The following RAI14 variants were observed in gnomAD, a reference collection of about 807,000 sequenced individuals.
The protein encoded by RAI14 is retinoic acid induced 14.
Under a neutral mutation model 115.4 loss-of-function variants are expected in RAI14, and 45 were observed. The ratio of observed to expected loss-of-function variants is 0.39; its 90% CI spans 0.31 to 0.50. The LOEUF is 0.50. Ranked by LOEUF, RAI14 falls within the 20% of genes least tolerant of loss-of-function variation. The pLI, the probability that RAI14 is intolerant of heterozygous loss-of-function variation, is 0.85. For synonymous variants in RAI14, 371 were observed against 415.4 expected (o/e 0.89, Z 1.30); for missense variants, 939 against 1,131.2 (o/e 0.83, Z 2.44).
intron 2 of RAI14, among the ~76,000 whole-genome samples, chr5:34,725,657 C>T (rs1305690980): frequency 3.3e-5 from 5 of 151,784 alleles, no homozygotes; most frequent in Non-Finnish European, 7.4e-5. Flanking sequence ...CACCGATAAC[C>T]AAGTGCTGCA....
chr5:34,717,252 G>A (rs1742114330), intron 2 of RAI14, among the ~76,000 whole-genome samples: 1 of 152,160 alleles, frequency 6.6e-6, no homozygotes, highest in Admixed American at 6.5e-5. Context: ...GCATGCTAAA[G>A]TTAATGATAA....
chr5:34,805,237 G>A (rs1754721045), intron 5 of RAI14, among the ~76,000 whole-genome samples: 1 of 152,046 alleles, frequency 6.6e-6, no homozygotes, highest in Non-Finnish European at 1.5e-5. Flanking sequence ...TCTTCTTCCT[G>A]GATGGTGGTT....
At position 34,802,256 on chromosome 5, in the gene RAI14, T is replaced by C. The variant is rs144666296; in HGVS notation, c.257-1456T>C. Among the ~76,000 whole-genome samples, 151 of 152,204 alleles carry C rather than the reference T, an allele frequency of 9.9e-4. 1 individual carries two copies. Among genetic ancestry groups the C allele is most frequent in the African/African-American group, 3.2e-3 (131 of 41,524 alleles). On this transcript the variant is annotated intron_variant, in intron 4 of 17. Coordinates refer to ENST00000265109, the MANE Select transcript of RAI14 (RefSeq NM_015577.3). ...GCAATTATCCAGCTTATAAGGTCAATGATGCTAAGGTTGAGAAAGTGCATC... is the reference window on the plus strand; with the variant it reads ...GCAATTATCCAGCTTATAAGGTCAACGATGCTAAGGTTGAGAAAGTGCATC...
chr5:34,755,590 T>C (rs981348682), intron 2 of RAI14, among the ~76,000 whole-genome samples: 6 of 152,176 alleles, frequency 3.9e-5, no homozygotes, highest in Non-Finnish European at 7.3e-5. Flanking sequence ...TGTAGGACTT[T>C]CAGCAGCACA....
chr5:34,682,074 T>C (rs1744428336), intron 1 of RAI14, among the ~76,000 whole-genome samples: 1 of 152,030 alleles, frequency 6.6e-6, no homozygotes, highest in African/African-American at 2.4e-5. Flanking sequence ...AGGCTGGTCT[T>C]GAACTTCCGA....
intron 2 of RAI14, among the ~76,000 whole-genome samples, chr5:34,723,794 A>C (rs1743106368): frequency 6.6e-6 from 1 of 152,194 alleles, no homozygotes; most frequent in African/African-American, 2.4e-5. Context: ...AGTTGACCAT[A>C]TATTTAGTTT....
At chr5:34,744,528 G>C (rs555780862) in intron 2 of RAI14, among the ~76,000 whole-genome samples, 1 of 152,238 alleles carries the variant, frequency 6.6e-6, no homozygotes, top group Admixed American at 6.5e-5. Context: ...TTCTCTTCCA[G>C]TTGGCTTGGT....
At chr5:34,775,985 A>G (rs1750784327) in intron 3 of RAI14, among the ~76,000 whole-genome samples, 1 of 152,238 alleles carries the variant, frequency 6.6e-6, no homozygotes, top group Admixed American at 6.5e-5. Context: ...TTATTGTAGC[A>G]TTATTCTCAG....
At chr5:34,785,688 A>G (rs371717579) in intron 3 of RAI14, among the ~76,000 whole-genome samples, 10 of 152,160 alleles carry the variant, frequency 6.6e-5, no homozygotes, top group Admixed American at 4.6e-4. Context: ...TTTCACAGGT[A>G]GGATGTTTAT....
chr5:34,679,271 G>C (rs749345604), intron 1 of RAI14, among the ~76,000 whole-genome samples: 1 of 152,194 alleles, frequency 6.6e-6, no homozygotes, highest in Non-Finnish European at 1.5e-5. Context: ...TGCACCATGG[G>C]CTAAAATGAC....
chr5:34,686,223 T>C (rs1406730442), intron 1 of RAI14, among the ~76,000 whole-genome samples: 3 of 152,094 alleles, frequency 2.0e-5, no homozygotes, highest in Admixed American at 6.6e-5. Context: ...AGTTAAGCAG[T>C]AACTTAGACT....
At position 34,822,598 on chromosome 5, in the gene RAI14, G is replaced by A. The variant is rs539450143; in HGVS notation, c.1114-358G>A. ...GGCAAAGTGATCATGCTACTCTCCC[G>A]TACCAAAGTTGCGGATTTACTCCTC... On this transcript the variant is annotated intron_variant, in intron 14 of 17. Transcript: ENST00000265109. Among the ~76,000 whole-genome samples, 27 of 144,336 alleles carry A rather than the reference G, an allele frequency of 1.9e-4. 1 individual carries two copies. In the South Asian group the frequency reaches 5.7e-3, roughly 30 times the overall value. The allele number at this position is 144,336 out of a possible 152,430, so 94.7% of individuals were successfully genotyped here.
intron 4 of RAI14, 62 bp downstream of exon 4, chr5:34,796,089 T>C: frequency 7.5e-7 from 1 of 1,328,076 alleles, no homozygotes; most frequent in Admixed American, 1.7e-5. Context: ...CAAAAAGTAA[T>C]ACATATTCAT....
chr5:34,812,836 T>A (rs1258388350), intron 10 of RAI14, among the ~76,000 whole-genome samples: 1 of 152,212 alleles, frequency 6.6e-6, no homozygotes, highest in Non-Finnish European at 1.5e-5. Context: ...ATAACACTGT[T>A]TTAAATACTT....
intron 3 of RAI14, among the ~76,000 whole-genome samples, chr5:34,784,724 A>G (rs1201111976): frequency 1.3e-5 from 2 of 152,180 alleles, no homozygotes; most frequent in Non-Finnish European, 2.9e-5. Context: ...CTCTGGATCT[A>G]TTCTATTTAT....
At chr5:34,811,266 C>T in intron 8 of RAI14, 148 bp downstream of exon 8, 1 of 998,284 alleles carries the variant, frequency 1.0e-6, no homozygotes, top group Non-Finnish European at 1.4e-6. Context: ...TTCTGATAAT[C>T]AAGAATCTAT....
At chr5:34,795,296 A>G (rs1434997507) in intron 3 of RAI14, among the ~76,000 whole-genome samples, 1 of 152,248 alleles carries the variant, frequency 6.6e-6, no homozygotes, top group Admixed American at 6.5e-5. Context: ...ACCAGAGTAT[A>G]GACACTTGCC....
intron 16 of RAI14, among the ~76,000 whole-genome samples, chr5:34,828,799 G>C (rs1428938757): frequency 2.0e-5 from 3 of 152,096 alleles, no homozygotes; most frequent in South Asian, 2.1e-4. Flanking sequence ...AGGAACCACT[G>C]GAGATTGGGG....
intron 2 of RAI14, among the ~76,000 whole-genome samples, chr5:34,731,115 C>A (rs1744117934): frequency 1.3e-5 from 2 of 152,092 alleles, no homozygotes; most frequent in Admixed American, 1.3e-4. Flanking sequence ...AAAGAGATAA[C>A]TTAGGGAAGT....
Sources: gnomAD v4.1 joint callset for allele counts (sites outside exome capture counted in the v4.1 genomes callset) on GRCh38, gnomAD v4.1.1 for gene constraint, MANE v1.5 for transcripts, NCBI Gene and HGNC (gene_info 2026-07-23, HGNC 2026-07-21) for gene names.